The following CNTN5 variants were observed in gnomAD, a reference collection of about 807,000 sequenced individuals.
CNTN5 encodes contactin-5.
A neutral mutation model predicts 129.1 loss-of-function variants in CNTN5; 77 were observed. That is an observed-to-expected ratio of 0.60 (90% CI 0.50 to 0.72). The LOEUF is 0.72. CNTN5 is among the 30% of genes least tolerant of loss of function. The pLI, the probability that CNTN5 is intolerant of heterozygous loss-of-function variation, is 0.00. For synonymous variants in CNTN5, 509 were observed against 465.6 expected, an observed-to-expected ratio of 1.09 and a Z score of -1.20; for missense variants, 1,478 against 1,328.8, an observed-to-expected ratio of 1.11 and a Z score of -1.75.
chr11:100,098,145 A>G (rs560785457), intron 13 of CNTN5, among the ~76,000 whole-genome samples: 5 of 152,176 alleles, frequency 3.3e-5, no homozygotes, highest in South Asian at 2.1e-4. Context: ...AGACTACTAC[A>G]GGACTTTAAA....
At chr11:99,118,226 C>T (rs1858132678) in intron 1 of CNTN5, among the ~76,000 whole-genome samples, 1 of 152,048 alleles carries the variant, frequency 6.6e-6, no homozygotes, top group Non-Finnish European at 1.5e-5. Flanking sequence ...ACCACACGTT[C>T]AAATACTAGC....
In CNTN5 at chr11:100,299,386, A is replaced by G; in HGVS notation, c.2610A>G (p.Ser870=). 3 of 1,584,378 alleles carry G rather than the reference A, an allele frequency of 1.9e-6. No homozygotes were observed. In the South Asian group the frequency reaches 3.5e-5, roughly 19 times the overall value. The part of the protein sequence containing the change: ...GPFSQIVVIC[S]AEGEPSAAPT... ...TTAGTCAAATTGTGGTCATCTGTTC[A>G]GCTGAAGGAGGTCAGTTTTTTTATT... The change falls in exon 20 of 25, where the codon TCA becomes TCG. Residue 870 remains serine (S), a synonymous_variant. Coordinates refer to ENST00000524871, the MANE Select transcript of CNTN5 (RefSeq NM_014361.4).
intron 1 of CNTN5, among the ~76,000 whole-genome samples, chr11:99,211,256 G>T: frequency 6.6e-6 from 1 of 152,018 alleles, no homozygotes; most frequent in African/African-American, 2.4e-5. Flanking sequence ...TTGTTTTGGT[G>T]AAACATATTC....
chr11:99,074,136 G>A (rs572131429), intron 1 of CNTN5, among the ~76,000 whole-genome samples: 86 of 152,068 alleles, frequency 5.7e-4, no homozygotes, highest in African/African-American at 1.8e-3. Flanking sequence ...CAGTGATATC[G>A]AGCTTTTTTT....
At chr11:99,256,262 T>G (rs1213669680) in intron 1 of CNTN5, among the ~76,000 whole-genome samples, 1 of 152,108 alleles carries the variant, frequency 6.6e-6, no homozygotes, top group African/African-American at 2.4e-5. Flanking sequence ...CTTTATAGTG[T>G]ATACAAATGT....
At chr11:99,765,707 A>G (rs1944730534) in intron 3 of CNTN5, among the ~76,000 whole-genome samples, 2 of 151,558 alleles carry the variant, frequency 1.3e-5, no homozygotes, top group South Asian at 4.2e-4. Context: ...AGACAACTAT[A>G]GAAGAGTCTA....
At chr11:100,255,151 A>C (rs1279582549) in intron 16 of CNTN5, among the ~76,000 whole-genome samples, 1 of 152,212 alleles carries the variant, frequency 6.6e-6, no homozygotes, top group Non-Finnish European at 1.5e-5. Flanking sequence ...ATCATAGATC[A>C]CAGTCTCCTT....
At chr11:99,515,041 A>G (rs1195189413) in intron 2 of CNTN5, among the ~76,000 whole-genome samples, 1 of 152,076 alleles carries the variant, frequency 6.6e-6, no homozygotes, top group East Asian at 1.9e-4. Flanking sequence ...CTTCAGGCAT[A>G]AAATGTATAA....
In CNTN5 at chr11:99,922,304, G is replaced by T. The variant is rs186389913; in HGVS notation, c.673+6155G>T. On this transcript the variant is annotated intron_variant, in intron 7 of 24. Transcript: ENST00000524871. ...CCCCATGATTCAGTTACCTCTCACT[G>T]GATCCATCCCACAACACGTAGGGAT... Among the ~76,000 whole-genome samples, 220 of 152,238 alleles carry T rather than the reference G, an allele frequency of 1.4e-3. 1 individual carries two copies. Among genetic ancestry groups the T allele is most frequent in the Non-Finnish European group, 2.1e-4 (14 of 68,028 alleles).
At chr11:99,913,852 G>A (rs753767230) in intron 6 of CNTN5, among the ~76,000 whole-genome samples, 1 of 152,022 alleles carries the variant, frequency 6.6e-6, no homozygotes, top group Non-Finnish European at 1.5e-5. Flanking sequence ...ATGTTTTAGA[G>A]ACCATTTTAA....
chr11:99,837,046 G>A (rs932289968), intron 4 of CNTN5, among the ~76,000 whole-genome samples: 3 of 152,052 alleles, frequency 2.0e-5, no homozygotes, highest in Non-Finnish European at 4.4e-5. Flanking sequence ...TATCAGCAAG[G>A]TCTTTATGAC....
chr11:100,309,432 A>C (rs907395002), intron 21 of CNTN5: 1 of 968,364 alleles, frequency 1.0e-6, no homozygotes, highest in Non-Finnish European at 1.2e-6. Context: ...AATTTATACA[A>C]TCTTTCTAAG....
At chr11:99,283,462 A>G (rs1043703341) in intron 1 of CNTN5, among the ~76,000 whole-genome samples, 4 of 152,034 alleles carry the variant, frequency 2.6e-5, no homozygotes, top group African/African-American at 4.8e-5. Flanking sequence ...GTTTTTGTTA[A>G]GAGTTGTAGG....
chr11:100,182,901 C>T (rs2138460402), intron 13 of CNTN5, among the ~76,000 whole-genome samples: 1 of 148,988 alleles, frequency 6.7e-6, no homozygotes, highest in East Asian at 1.9e-4. Flanking sequence ...TATTTATACA[C>T]TGTAAAAAAA....
intron 1 of CNTN5, among the ~76,000 whole-genome samples, chr11:99,124,090 A>G (rs77517736): frequency 0.062 from 9,362 of 152,132 alleles, 311 homozygotes; most frequent in African/African-American, 0.085. Context: ...TTTAATAGGA[A>G]GAGCATTACA....
At chr11:99,106,588 A>T (rs1008602282) in intron 1 of CNTN5, among the ~76,000 whole-genome samples, 13 of 152,058 alleles carry the variant, frequency 8.5e-5, no homozygotes, top group African/African-American at 2.7e-4. Context: ...TTGCTTTATG[A>T]TATAGACCTA....
intron 1 of CNTN5, among the ~76,000 whole-genome samples, chr11:99,208,999 A>T (rs1398432620): frequency 6.6e-6 from 1 of 152,152 alleles, no homozygotes; most frequent in Non-Finnish European, 1.5e-5. Flanking sequence ...TGTCATTAAA[A>T]TATATTTTAA....
intron 3 of CNTN5, among the ~76,000 whole-genome samples, chr11:99,595,101 T>C (rs1177629527): frequency 6.6e-6 from 1 of 152,076 alleles, no homozygotes; most frequent in African/African-American, 2.4e-5. Context: ...GGTCAATGGG[T>C]ACAAAGTTAG....
At chr11:99,373,202 T>A (rs1318720514) in intron 2 of CNTN5, among the ~76,000 whole-genome samples, 1 of 151,904 alleles carries the variant, frequency 6.6e-6, no homozygotes, top group Non-Finnish European at 1.5e-5. Flanking sequence ...AGAACGAAAC[T>A]CCATCTCATA....
Sources: allele counts gnomAD v4.1 joint callset (sites outside exome capture counted in the v4.1 genomes callset), GRCh38; gene constraint gnomAD v4.1.1; transcripts MANE v1.5; gene names NCBI Gene and HGNC (gene_info 2026-07-23, HGNC 2026-07-21).